The following GIGYF2 variants were observed in gnomAD, a reference collection of about 807,000 sequenced individuals.
GIGYF2 encodes GRB10 interacting GYF protein 2.
A neutral mutation model predicts 208.1 loss-of-function variants in GIGYF2; 25 were observed. The ratio of observed to expected loss-of-function variants is 0.12; its 90% CI spans 0.09 to 0.17. GIGYF2 has a LOEUF of 0.17. Among genes scored for constraint, GIGYF2 ranks in the 10% least tolerant of loss-of-function variants. The pLI, the probability that GIGYF2 is intolerant of heterozygous loss-of-function variation, is 1.00. For missense variants in GIGYF2, 1,302 were observed against 1,579.4 expected, an observed-to-expected ratio of 0.82 and a Z score of 2.98; for synonymous variants, 534 against 543.8, an observed-to-expected ratio of 0.98 and a Z score of 0.25.
chr2:232,771,450 G>A, intron 8 of GIGYF2: 2 of 976,744 alleles, frequency 2.0e-6, no homozygotes, highest in Non-Finnish European at 3.0e-6. Flanking sequence ...GAGAGCTCAT[G>A]GACTTTCTGC....
intron 2 of GIGYF2, among the ~76,000 whole-genome samples, chr2:232,711,707 A>ATATATATATATATATG (rs1559375679): frequency 0.023 from 3,035 of 134,316 alleles, 131 homozygotes; most frequent in African/African-American, 0.09. Context: ...ACAATGATGT[A>ATATATATATATATATG]TATATATATA....
chr2:232,697,524 C>A (rs897495392), intron 1 of GIGYF2, 132 bp downstream of exon 1: 8 of 152,652 alleles, frequency 5.2e-5, no homozygotes, highest in African/African-American at 1.4e-4. Flanking sequence ...CTGGCCCGGC[C>A]GCATGGACAC....
chr2:232,827,116 C>T (rs963760653), intron 21 of GIGYF2, among the ~76,000 whole-genome samples: 12 of 152,146 alleles, frequency 7.9e-5, no homozygotes, highest in Non-Finnish European at 1.6e-4. Context: ...CTCTTGTTAG[C>T]GGTTAATGCG....
At chr2:232,741,538 G>A (rs1198917791) in intron 3 of GIGYF2, among the ~76,000 whole-genome samples, 1 of 151,686 alleles carries the variant, frequency 6.6e-6, no homozygotes, top group Non-Finnish European at 1.5e-5. Flanking sequence ...TGCTTCCTGA[G>A]TTCAAGCGAT....
intron 2 of GIGYF2, 80 bp from the exon 3 acceptor site, chr2:232,735,075 A>T: frequency 1.4e-6 from 1 of 702,898 alleles, no homozygotes; most frequent in South Asian, 1.7e-5. Context: ...TAAATAAAAC[A>T]CTCTCTAACT....
At chr2:232,743,706 G>A (rs1698051020) in intron 3 of GIGYF2, among the ~76,000 whole-genome samples, 2 of 152,132 alleles carry the variant, frequency 1.3e-5, no homozygotes, top group Non-Finnish European at 2.9e-5. Context: ...ACTTGGAATT[G>A]AATTTGTCGA....
intron 2 of GIGYF2, among the ~76,000 whole-genome samples, chr2:232,727,180 G>A (rs1697240276): frequency 6.6e-6 from 1 of 152,146 alleles, no homozygotes; most frequent in Non-Finnish European, 1.5e-5. Flanking sequence ...TGGCCAGGCT[G>A]GTCTTGAACT....
At chr2:232,825,546 C>T (rs1473950416) in intron 21 of GIGYF2, among the ~76,000 whole-genome samples, 6 of 152,118 alleles carry the variant, frequency 3.9e-5, no homozygotes, top group Non-Finnish European at 8.8e-5. Context: ...TTGAATGTGT[C>T]AGCAGTTGCT....
In GIGYF2 at chr2:232,844,441, G is replaced by T. The variant is rs1002670156; in HGVS notation, c.3172G>T (p.Ala1058Ser). 1 of 1,611,074 alleles carries T rather than the reference G, an allele frequency of 6.2e-7. No individual in the cohort carries two copies. The highest frequency in any genetic ancestry group is 8.5e-7 in the Non-Finnish European group (1 of 1,177,340). Residue 1058 changes from alanine (A) to serine (S), a missense_variant, in exon 25 of 29, where the codon GCA becomes TCA. Coordinates refer to ENST00000373563, the MANE Select transcript of GIGYF2 (RefSeq NM_001103146.3). ...AAATACTGGTCCTCCTAACCAGTGG[G>T]CATCTGACCTAGTCAGTAGTATTTG... is the stretch of plus-strand genomic sequence containing the variant. The part of the protein sequence containing the change: ...SINTGPPNQW[A>S]SDLVSSIWSN...
intron 26 of GIGYF2, among the ~76,000 whole-genome samples, chr2:232,846,986 C>G (rs1702026992): frequency 6.6e-6 from 1 of 152,164 alleles, no homozygotes; most frequent in Non-Finnish European, 1.5e-5. Context: ...TAGCTGTTTT[C>G]TTTAGTGTAT....
At chr2:232,844,797 G>A (rs920429261) in intron 25 of GIGYF2, among the ~76,000 whole-genome samples, 2 of 152,074 alleles carry the variant, frequency 1.3e-5, no homozygotes, top group South Asian at 2.1e-4. Context: ...TTATTCTATC[G>A]CCTAGCACAT....
At chr2:232,829,147 C>T (rs949253729) in intron 21 of GIGYF2, among the ~76,000 whole-genome samples, 3 of 152,094 alleles carry the variant, frequency 2.0e-5, no homozygotes, top group Non-Finnish European at 4.4e-5. Context: ...TCATTTCTTC[C>T]TTTAAATGTT....
rs1701616761 is a variant in GIGYF2 at position 232,836,313 on chromosome 2, TATATATATATATATATAC to T, written c.2766+3230_2766+3247del. Among the ~76,000 whole-genome samples, 6 of 23,624 alleles carry T rather than the reference TATATATATATATATATAC, an allele frequency of 2.5e-4. 2 individuals are homozygous for T. The highest frequency in any genetic ancestry group is 5.2e-4 in the Non-Finnish European group (6 of 11,566). 15.5% of individuals were successfully genotyped at this position (23,624 alleles called of 152,430 possible). On this transcript the variant is annotated intron_variant, in intron 22 of 28. Transcript: ENST00000373563. ...ATATATATATATATATATATATATA[TATATATATATATATATAC>T]ATATATATACTTATATATTTATATA...
rs549654297 is a variant in GIGYF2, at chr2:232,784,328, A to G, written c.533-2822A>G. On this transcript the variant is annotated intron_variant, in intron 8 of 28. Transcript: ENST00000373563. ...AAAATTAAATAAAATGAAATTTTAA[A>G]TTTAGCTGAGTGTGGTGGCATGTGC... Among the ~76,000 whole-genome samples, 212 of 151,866 alleles carry G rather than the reference A, an allele frequency of 1.4e-3. 4 individuals carry two copies. In the Middle Eastern group the frequency reaches 0.017, roughly 12 times the overall value.
chr2:232,712,137 C>T (rs1049752427), intron 2 of GIGYF2, among the ~76,000 whole-genome samples: 6 of 151,910 alleles, frequency 3.9e-5, no homozygotes, highest in East Asian at 1.9e-4. Flanking sequence ...GCAACAGGTA[C>T]TCTGAATTGT....
chr2:232,701,404 C>T (rs1037864722), intron 1 of GIGYF2, among the ~76,000 whole-genome samples: 2 of 150,622 alleles, frequency 1.3e-5, no homozygotes, highest in Admixed American at 6.6e-5. Context: ...GTGATTGCAC[C>T]GCTGCGCTCC....
intron 22 of GIGYF2, among the ~76,000 whole-genome samples, chr2:232,835,863 A>G (rs73997559): frequency 0.015 from 2,328 of 151,964 alleles, 71 homozygotes; most frequent in African/African-American, 0.054. Context: ...TTCTTAACCC[A>G]TTTCCCGTTT....
In GIGYF2 at chr2:232,858,631, G is replaced by A. The variant is rs1043918451; in HGVS notation, c.*1771G>A. ...AATAAAATCTGATTGTATTCTATCT[G>A]AGTGCACCTCTTGTACTCACCTTTA... On this transcript the variant is annotated 3_prime_UTR_variant, in exon 29 of 29. Coordinates refer to ENST00000373563, the MANE Select transcript of GIGYF2 (RefSeq NM_001103146.3). 1 of 452,108 alleles carries A rather than the reference G, an allele frequency of 2.2e-6. No homozygotes were observed. The highest frequency in any genetic ancestry group is 2.0e-5 in the African/African-American group (1 of 49,672). The allele number at this position is 452,108 out of a possible 1,614,324, so 28.0% of individuals were successfully genotyped here.
intron 21 of GIGYF2, among the ~76,000 whole-genome samples, chr2:232,828,317 T>C (rs1417195312): frequency 6.6e-6 from 1 of 152,184 alleles, no homozygotes; most frequent in Non-Finnish European, 1.5e-5. Context: ...AACTTAATTA[T>C]GTTGTAGTCA....
Sources: allele counts gnomAD v4.1 joint callset (sites outside exome capture counted in the v4.1 genomes callset), GRCh38; gene constraint gnomAD v4.1.1; transcripts MANE v1.5; gene names NCBI Gene and HGNC (gene_info 2026-07-23, HGNC 2026-07-21).